MYT1L: variants seen among roughly 807,000 people sequenced by gnomAD.
MYT1L encodes the protein myelin transcription factor 1-like protein.
A neutral mutation model predicts 126.7 loss-of-function variants in MYT1L; 12 were observed. The observed-to-expected ratio is 0.09, with a 90% CI of 0.06 to 0.15. The LOEUF (loss-of-function observed/expected upper bound fraction) is 0.15. MYT1L is among the 10% of genes least tolerant of loss of function. MYT1L has a pLI of 1.00. For synonymous variants in MYT1L, 541 were observed against 604.2 expected (o/e 0.90, Z 1.53); for missense variants, 979 against 1,585.2 (o/e 0.62, Z 6.49).
intron 2 of MYT1L, among the ~76,000 whole-genome samples, chr2:2,274,053 G>C (rs577485251): frequency 6.6e-6 from 1 of 152,034 alleles, no homozygotes; most frequent in Admixed American, 6.6e-5. Flanking sequence ...AAAGGAGAAA[G>C]GTAGGCACAA....
At chr2:2,125,842 T>C (rs972836344) in intron 3 of MYT1L, among the ~76,000 whole-genome samples, 8 of 152,194 alleles carry the variant, frequency 5.3e-5, no homozygotes, top group South Asian at 2.1e-4. Context: ...AGTAAGTCCA[T>C]TGAAGAACTG....
At chr2:1,971,268 A>C (rs912147108) in intron 8 of MYT1L, among the ~76,000 whole-genome samples, 1 of 152,228 alleles carries the variant, frequency 6.6e-6, no homozygotes, top group African/African-American at 2.4e-5. Context: ...ATCATGTTGC[A>C]TTCACAATAC....
intron 22 of MYT1L, among the ~76,000 whole-genome samples, chr2:1,805,837 G>A (rs888466371): frequency 5.3e-5 from 8 of 152,216 alleles, no homozygotes; most frequent in Non-Finnish European, 7.3e-5. Flanking sequence ...AGTAAGCCAA[G>A]ATGGTGCTAC....
At chr2:2,109,108 TCA>T (rs940742022) in intron 3 of MYT1L, among the ~76,000 whole-genome samples, 5 of 152,254 alleles carry the variant, frequency 3.3e-5, no homozygotes, top group Non-Finnish European at 7.3e-5. Flanking sequence ...AAAACTGTCC[TCA>T]CAGATCATTC....
intron 2 of MYT1L, among the ~76,000 whole-genome samples, chr2:2,234,268 T>C (rs2094229180): frequency 1.3e-5 from 2 of 152,222 alleles, no homozygotes; most frequent in Non-Finnish European, 2.9e-5. Context: ...GATGAGCTTA[T>C]AATTTCACAC....
chr2:2,198,491 T>C (rs2092920553), intron 2 of MYT1L, among the ~76,000 whole-genome samples: 1 of 152,168 alleles, frequency 6.6e-6, no homozygotes, highest in South Asian at 2.1e-4. Context: ...AATTCCATCA[T>C]GATACTATGT....
At chr2:2,302,501 C>G (rs1237320595) in intron 1 of MYT1L, among the ~76,000 whole-genome samples, 2 of 152,142 alleles carry the variant, frequency 1.3e-5, no homozygotes, top group East Asian at 1.9e-4. Flanking sequence ...TTTGCCAGAT[C>G]TCAAGAAAAA....
chr2:2,315,095 C>T (rs914292107), intron 1 of MYT1L, among the ~76,000 whole-genome samples: 3 of 152,158 alleles, frequency 2.0e-5, no homozygotes, highest in African/African-American at 7.2e-5. Context: ...TTCAGAGACT[C>T]ACATGGGGAA....
chr2:2,098,108 G>A (rs1017790814), intron 3 of MYT1L, among the ~76,000 whole-genome samples: 8 of 152,130 alleles, frequency 5.3e-5, no homozygotes, highest in African/African-American at 1.9e-4. Flanking sequence ...GCAGAACCAT[G>A]AGCCAATTAA....
intron 18 of MYT1L, among the ~76,000 whole-genome samples, chr2:1,880,362 G>A (rs2047377679): frequency 6.6e-6 from 1 of 152,160 alleles, no homozygotes; most frequent in African/African-American, 2.4e-5. Context: ...TTTCGAGACA[G>A]ACTCTCACTC....
At chr2:1,874,864 T>G (rs1329816687) in intron 18 of MYT1L, among the ~76,000 whole-genome samples, 2 of 152,238 alleles carry the variant, frequency 1.3e-5, no homozygotes, top group East Asian at 3.9e-4. Flanking sequence ...CGCGTGAACT[T>G]CTGACAATCT....
chr2:2,284,966 T>A (rs12463519), intron 1 of MYT1L, among the ~76,000 whole-genome samples: 52,849 of 151,830 alleles, frequency 0.35, 10,014 homozygotes, highest in Non-Finnish European at 0.44. Flanking sequence ...TCCGCCCACC[T>A]TAGCCTCCCA....
At chr2:2,135,187 G>A (rs532973867) in intron 3 of MYT1L, among the ~76,000 whole-genome samples, 7 of 152,232 alleles carry the variant, frequency 4.6e-5, no homozygotes, top group Non-Finnish European at 7.4e-5. Context: ...TAATTCCCAC[G>A]TGTCATGGGA....
chr2:2,025,129 G>A (rs958890487), intron 4 of MYT1L, among the ~76,000 whole-genome samples: 1 of 152,214 alleles, frequency 6.6e-6, no homozygotes, highest in Non-Finnish European at 1.5e-5. Flanking sequence ...AAGTTCAGGG[G>A]CCCTGGATGG....
At chr2:2,221,796 C>T (rs1364411076) in intron 2 of MYT1L, among the ~76,000 whole-genome samples, 1 of 152,202 alleles carries the variant, frequency 6.6e-6, no homozygotes, top group East Asian at 1.9e-4. Flanking sequence ...AGAGTAACTG[C>T]ATTTTGGAAG....
chr2:1,956,979 C>T (rs1015749345), intron 8 of MYT1L, among the ~76,000 whole-genome samples: 13 of 152,150 alleles, frequency 8.5e-5, no homozygotes, highest in Non-Finnish European at 1.3e-4. Context: ...GTCTGCAGCC[C>T]GTGGCTCTGT....
intron 3 of MYT1L, among the ~76,000 whole-genome samples, chr2:2,144,678 C>T (rs924066646): frequency 6.6e-6 from 1 of 152,106 alleles, no homozygotes; most frequent in Non-Finnish European, 1.5e-5. Context: ...ATGTGGTCAT[C>T]GGACATGCCC....
At chr2:1,869,041 T>C (rs1205471457) in intron 18 of MYT1L, among the ~76,000 whole-genome samples, 2 of 152,186 alleles carry the variant, frequency 1.3e-5, no homozygotes, top group Non-Finnish European at 2.9e-5. Context: ...AGGCCATGGG[T>C]GCTAGAGCTT....
In MYT1L at chr2:1,942,983, G is replaced by T. The variant is rs758684369; in HGVS notation, c.504C>A (p.Asn168Lys). The change falls in exon 9 of 25, where the codon AAC (asparagine) becomes AAA (lysine). Residue 168 changes from asparagine (N) to lysine (K), a missense_variant and splice_region_variant. By Grantham distance (94) the Asn-to-Lys change is moderately conservative. Transcript: ENST00000647738. ...EEEEEEEEEENEDHQMNCHNT... is the reference protein window; with the variant it reads ...EEEEEEEEEEKEDHQMNCHNT... ...CTTTGCTAATATTTTAAAGATTACC[G>T]TTTTCTTCTTCCTCTTCCTCCTCCT... is the stretch of plus-strand genomic sequence containing the variant. 1 of 1,531,800 alleles carries T rather than the reference G, an allele frequency of 6.5e-7. No homozygotes were observed. Among genetic ancestry groups the T allele is most frequent in the South Asian group, 1.3e-5 (1 of 79,704 alleles). 94.9% of individuals were successfully genotyped at this position (1,531,800 alleles called of 1,614,324 possible).
Sources: gnomAD v4.1 joint callset for allele counts (sites outside exome capture counted in the v4.1 genomes callset) on GRCh38, gnomAD v4.1.1 for gene constraint, MANE v1.5 for transcripts, NCBI Gene and HGNC (gene_info 2026-07-23, HGNC 2026-07-21) for gene names.